The following UGGT1 variants were observed in gnomAD, a reference collection of about 807,000 sequenced individuals.
The protein encoded by UGGT1 is UDP-glucose:glycoprotein glucosyltransferase 1.
Under a neutral mutation model 203.9 loss-of-function variants are expected in UGGT1, and 107 were observed. The observed-to-expected ratio is 0.52, with a 90% CI of 0.45 to 0.62. The LOEUF is 0.62. UGGT1 is among the 20% of genes least tolerant of loss of function. UGGT1 has a pLI of 0.00. For missense variants in UGGT1, 1,673 were observed against 1,867.2 expected (o/e 0.90, Z 1.92); for synonymous variants, 628 against 653.5 (o/e 0.96, Z 0.59).
At chr2:128,187,823 T>C (rs1382889237) in intron 40 of UGGT1, among the ~76,000 whole-genome samples, 1 of 151,984 alleles carries the variant, frequency 6.6e-6, no homozygotes. Flanking sequence ...GTTTTTTTTT[T>C]TTTCTCGTTT....
chr2:128,179,324 C>T (rs187362043), intron 34 of UGGT1, among the ~76,000 whole-genome samples: 18 of 152,222 alleles, frequency 1.2e-4, no homozygotes, highest in Admixed American at 3.3e-4. Context: ...GTAAGGAGGC[C>T]GGAGCTGGTA....
intron 30 of UGGT1, 131 bp downstream of exon 30, chr2:128,174,070 T>C (rs1413095174): frequency 8.2e-6 from 9 of 1,101,022 alleles, no homozygotes; most frequent in Admixed American, 2.9e-5. Context: ...ATTTGGTCAA[T>C]ATAGAAATCA....
In UGGT1 at chr2:128,187,943, GT is replaced by G. The variant is rs986550611; in HGVS notation, c.4642+339del. Among the ~76,000 whole-genome samples, 617 of 124,158 alleles carry G rather than the reference GT, an allele frequency of 5.0e-3. 6 individuals carry two copies. Among genetic ancestry groups the G allele is most frequent in the African/African-American group, 0.016 (534 of 33,342 alleles). The allele number at this position is 124,158 out of a possible 152,430, so 81.5% of individuals were successfully genotyped here. A position where few individuals can be genotyped will look rare whatever the true frequency, so the allele number is the denominator to read the frequency against. Reference sequence around the variant, plus strand: ...TTGCAGAGTTCTTCTTAGATTCCTTGTTTTTTTTTTCATTAAATCTGTCAGT... The same window carrying G: ...TTGCAGAGTTCTTCTTAGATTCCTTGTTTTTTTTTCATTAAATCTGTCAGT... On this transcript the variant is annotated intron_variant, in intron 40 of 40. Transcript: ENST00000259253.
At chr2:128,125,161 C>T (rs1041797280) in intron 11 of UGGT1, among the ~76,000 whole-genome samples, 6 of 152,042 alleles carry the variant, frequency 3.9e-5, no homozygotes, top group African/African-American at 1.4e-4. Flanking sequence ...CGTTTGGTGA[C>T]TTGCCTTCGA....
rs111750620 is a variant in UGGT1 at position 128,183,937 on chromosome 2, T to A, written c.4359+148T>A. On this transcript the variant is annotated intron_variant, in intron 38 of 40. Transcript: ENST00000259253. ...GTGTGTGTGTGTGTGTGTGTGTGTG[T>A]GAGAGAGAGAGAGAGAGAGAGAGAT... The A allele has an allele frequency of 0.017, 5,424 of 326,330 alleles. 25 individuals carry two copies. Among genetic ancestry groups the A allele is most frequent in the Non-Finnish European group, 0.021 (3,704 of 173,470 alleles). The allele number at this position is 326,330 out of a possible 1,614,324, so 20.2% of individuals were successfully genotyped here. A position where few individuals can be genotyped will look rare whatever the true frequency, so the allele number is the denominator to read the frequency against.
rs1692361480 is a variant in UGGT1 at position 128,193,282 on chromosome 2, C to T, written c.*3540C>T. 1 of 147,076 alleles carries T rather than the reference C, an allele frequency of 6.8e-6. No individual in the cohort carries two copies. The highest frequency in any genetic ancestry group is 1.5e-5 in the Non-Finnish European group (1 of 67,142). 9.1% of individuals were successfully genotyped at this position (147,076 alleles called of 1,614,324 possible). A position where few individuals can be genotyped will look rare whatever the true frequency, so the allele number is the denominator to read the frequency against. ...CGTGGGTTTTTTTTTAAGAGAGTCT[C>T]ATTCTGTCACCCAGGCTGGAGTGCA... is the stretch of plus-strand genomic sequence containing the variant. On this transcript the variant is annotated 3_prime_UTR_variant, in exon 41 of 41. Coordinates refer to ENST00000259253, the MANE Select transcript of UGGT1 (RefSeq NM_020120.4).
chr2:128,123,118 A>C, intron 10 of UGGT1, 68 bp from the exon 11 acceptor site: 1 of 1,267,072 alleles, frequency 7.9e-7, no homozygotes, highest in African/African-American at 1.5e-5. Context: ...TCATATTTTA[A>C]AATATGGAAA....
chr2:128,176,498 C>T (rs548055309), intron 31 of UGGT1, among the ~76,000 whole-genome samples: 1 of 151,624 alleles, frequency 6.6e-6, no homozygotes, highest in South Asian at 2.1e-4. Flanking sequence ...TTATCGAAGG[C>T]TCTGTGCTTG....
At chr2:128,129,986 C>A (rs1688795960) in intron 13 of UGGT1, among the ~76,000 whole-genome samples, 1 of 151,746 alleles carries the variant, frequency 6.6e-6, no homozygotes, top group African/African-American at 2.4e-5. Context: ...TAGGGCTGGG[C>A]TTGGTGGCTC....
At chr2:128,145,281 A>G (rs527874652) in intron 17 of UGGT1, among the ~76,000 whole-genome samples, 4 of 152,306 alleles carry the variant, frequency 2.6e-5, no homozygotes, top group South Asian at 2.1e-4. Context: ...CCATGGTCAC[A>G]TGTAGATTTT....
intron 19 of UGGT1, among the ~76,000 whole-genome samples, chr2:128,154,040 A>G (rs937163235): frequency 8.3e-5 from 12 of 144,128 alleles, no homozygotes; most frequent in Non-Finnish European, 1.7e-4. Flanking sequence ...TTTTAGGTAG[A>G]GGAAAAATAC....
At chr2:128,117,497 T>C (rs771116087) in intron 8 of UGGT1, among the ~76,000 whole-genome samples, 7 of 152,148 alleles carry the variant, frequency 4.6e-5, no homozygotes, top group Non-Finnish European at 1.0e-4. Flanking sequence ...AACCTGTTAA[T>C]GTAAGCATCA....
intron 12 of UGGT1, among the ~76,000 whole-genome samples, chr2:128,128,278 T>A (rs1397278471): frequency 4.0e-5 from 6 of 151,696 alleles, no homozygotes; most frequent in Non-Finnish European, 8.8e-5. Context: ...TCAAAAGAAA[T>A]TTTTTTAATC....
In UGGT1 at chr2:128,194,962, G is replaced by A. The variant is rs73956908; in HGVS notation, c.*5220G>A. On this transcript the variant is annotated 3_prime_UTR_variant, in exon 41 of 41. Transcript: ENST00000259253. Reference sequence around the variant, plus strand: ...TGAGTAGAGGGTCCCATTCCCTCAGGCTGTCATTGATCAGTGACAATTTAT... The same window carrying A: ...TGAGTAGAGGGTCCCATTCCCTCAGACTGTCATTGATCAGTGACAATTTAT... 1 of 152,200 alleles carries A rather than the reference G, an allele frequency of 6.6e-6. No homozygotes were observed. Among genetic ancestry groups the A allele is most frequent in the Non-Finnish European group, 1.5e-5 (1 of 68,046 alleles). 9.4% of individuals were successfully genotyped at this position (152,200 alleles called of 1,614,324 possible). A position where few individuals can be genotyped will look rare whatever the true frequency, so the allele number is the denominator to read the frequency against.
intron 30 of UGGT1, among the ~76,000 whole-genome samples, chr2:128,174,275 T>A (rs2104792764): frequency 6.6e-6 from 1 of 151,996 alleles, no homozygotes; most frequent in African/African-American, 2.4e-5. Flanking sequence ...AAAGAGCAGA[T>A]GATTTATTGG....
intron 28 of UGGT1, 138 bp downstream of exon 28, chr2:128,171,422 C>A: frequency 1.3e-6 from 1 of 796,510 alleles, no homozygotes; most frequent in Non-Finnish European, 2.0e-6. Flanking sequence ...TCAGTTTTGC[C>A]AAATTTCATT....
chr2:128,111,640 C>T (rs1687855275), intron 5 of UGGT1, among the ~76,000 whole-genome samples: 2 of 151,896 alleles, frequency 1.3e-5, no homozygotes, highest in Non-Finnish European at 2.9e-5. Context: ...CAAGTACAGG[C>T]ACCCACCACC....
chr2:128,182,067 G>C (rs954453842), intron 36 of UGGT1, 63 bp from the exon 37 acceptor site: 16 of 1,552,070 alleles, frequency 1.0e-5, no homozygotes, highest in Non-Finnish European at 1.2e-5. Context: ...CTCTGTATCT[G>C]AAGGAAACCG....
At chr2:128,182,086 C>G (rs1172216427) in intron 36 of UGGT1, 44 bp from the exon 37 acceptor site, 1 of 1,593,254 alleles carries the variant, frequency 6.3e-7, no homozygotes, top group Non-Finnish European at 8.6e-7. Context: ...CGCATTAGAG[C>G]TGTCTGCATG....
Sources: allele counts gnomAD v4.1 joint callset (sites outside exome capture counted in the v4.1 genomes callset), GRCh38; gene constraint gnomAD v4.1.1; transcripts MANE v1.5; gene names NCBI Gene and HGNC (gene_info 2026-07-23, HGNC 2026-07-21).